The following DST variants were observed in gnomAD, a reference collection of about 807,000 sequenced individuals.
The protein encoded by DST is dystonin.
Under a neutral mutation model 875.2 loss-of-function variants are expected in DST, and 253 were observed. The ratio of observed to expected loss-of-function variants is 0.29; its 90% confidence interval spans 0.26 to 0.32. The LOEUF (loss-of-function observed/expected upper bound fraction) is 0.32. Among genes scored for constraint, DST ranks in the 10% least tolerant of loss-of-function variants. The probability of loss-of-function intolerance (pLI) is 1.00; values close to 1 mark genes in which losing one functional copy is unlikely to be tolerated. For missense variants in DST, 8,287 were observed against 9,111.6 expected (o/e 0.91, Z 3.68); for synonymous variants, 3,124 against 3,197.1 (o/e 0.98, Z 0.77).
At chr6:56,627,598 T>C (rs913011985) in intron 33 of DST, among the ~76,000 whole-genome samples, 17 of 152,140 alleles carry the variant, frequency 1.1e-4, no homozygotes, top group Admixed American at 9.2e-4. Context: ...GCCCCTAAGA[T>C]AGAACAAAAA....
intron 3 of DST, among the ~76,000 whole-genome samples, chr6:56,877,229 T>G (rs927143398): frequency 3.3e-5 from 5 of 152,232 alleles, no homozygotes; most frequent in African/African-American, 9.6e-5. Flanking sequence ...TTTTTCTTCA[T>G]ACCATTTACC....
chr6:56,930,879 T>C (rs1049212571), intron 2 of DST, among the ~76,000 whole-genome samples: 3 of 152,234 alleles, frequency 2.0e-5, no homozygotes, highest in Non-Finnish European at 2.9e-5. Context: ...CACGATTGCA[T>C]GACAAAATCC....
At chr6:56,766,242 A>G (rs1356024195) in intron 4 of DST, among the ~76,000 whole-genome samples, 2 of 152,220 alleles carry the variant, frequency 1.3e-5, no homozygotes. Context: ...ACAAGAACAC[A>G]TGAGAACACA....
At chr6:56,567,685 G>C (rs1474614994) in intron 55 of DST, among the ~76,000 whole-genome samples, 1 of 152,102 alleles carries the variant, frequency 6.6e-6, no homozygotes, top group Non-Finnish European at 1.5e-5. Context: ...GGTTGGCTGA[G>C]AAGGGCCCAG....
chr6:56,601,440 A>C lies in DST; in HGVS notation c.11541+3T>G, dbSNP rs146728069. On this transcript the variant is annotated splice_donor_region_variant and intron_variant, in intron 44 of 103. Transcript: ENST00000680361. The stretch of plus-strand genomic sequence containing the variant: ...AATGCCAACTCCACGAAGAAAGGCA[A>C]ACCTTCTGATCATCAAGATCTTGTT... 1.4e-3 allele frequency: 2,235 copies of C among 1,576,360 alleles called. 25 individuals carry two copies. In the African/African-American group the frequency reaches 0.023, roughly 16 times the overall value.
intron 36 of DST, chr6:56,614,752 A>T (rs1465591146): frequency 2.8e-6 from 3 of 1,069,430 alleles, no homozygotes; most frequent in Non-Finnish European, 3.4e-6. Context: ...ACAAATTTTA[A>T]ATCTCAACTT....
At chr6:56,772,619 C>T (rs990490022) in intron 4 of DST, among the ~76,000 whole-genome samples, 1 of 152,136 alleles carries the variant, frequency 6.6e-6, no homozygotes, top group East Asian at 1.9e-4. Context: ...CAAAAGTAAA[C>T]AAGAATCAGG....
intron 9 of DST, among the ~76,000 whole-genome samples, chr6:56,685,504 G>T (rs538744821): frequency 1.3e-3 from 202 of 152,298 alleles, no homozygotes; most frequent in African/African-American, 4.6e-3. Context: ...AGGCTGGGTG[G>T]CTTATGCCTG....
chr6:56,558,162 C>T (rs2097459780), intron 58 of DST, among the ~76,000 whole-genome samples: 2 of 152,142 alleles, frequency 1.3e-5, no homozygotes, highest in Admixed American at 6.6e-5. Flanking sequence ...CTATTATACC[C>T]TCGATCATAA....
intron 7 of DST, among the ~76,000 whole-genome samples, chr6:56,702,548 C>T (rs955830862): frequency 1.3e-5 from 2 of 152,064 alleles, no homozygotes; most frequent in Non-Finnish European, 2.9e-5. Flanking sequence ...CATATATTTC[C>T]TCTTTATTTT....
At chr6:56,620,857 CCTT>C (rs2098685297) in intron 36 of DST, 2 of 771,532 alleles carry the variant, frequency 2.6e-6, no homozygotes, top group Middle Eastern at 2.5e-4. Flanking sequence ...AGCAGCATCA[CCTT>C]CTTCAGAGAG....
chr6:56,800,002 A>G lies in DST; in HGVS notation c.625+51395T>C, dbSNP rs575252121. 6.6e-5 allele frequency among the ~76,000 whole-genome samples: 10 copies of G among 152,316 alleles called. No individual in the cohort carries two copies. The South Asian group carries it at 1.9e-3, about 28-fold the overall frequency. ...TATTGCACACTTAATAGACTACAAT[A>G]TAATACAAGCATAACTTTTATATGC... On this transcript the variant is annotated intron_variant, in intron 4 of 103. Coordinates refer to ENST00000680361, the MANE Select transcript of DST (RefSeq NM_001374736.1).
At position 56,528,943 on chromosome 6, in the gene DST, A is replaced by G. The variant is rs1306290912; in HGVS notation, c.17596-18T>C. 5.3e-6 allele frequency: 8 copies of G among 1,512,426 alleles called. No homozygotes were observed. The highest frequency in any genetic ancestry group is 7.2e-6 in the Non-Finnish European group (8 of 1,104,684). The allele number at this position is 1,512,426 out of a possible 1,614,324, so 93.7% of individuals were successfully genotyped here. A position where few individuals can be genotyped will look rare whatever the true frequency, so the allele number is the denominator to read the frequency against. On this transcript the variant is annotated intron_variant, in intron 66 of 103. Coordinates refer to ENST00000680361, the MANE Select transcript of DST (RefSeq NM_001374736.1). Reference sequence around the variant, plus strand: ...TGCAGAACCTGAAAACACAGGTACCATTTTTATGTGGGGGGAAAAACATTT... The same window carrying G: ...TGCAGAACCTGAAAACACAGGTACCGTTTTTATGTGGGGGGAAAAACATTT...
chr6:56,614,453 A>G lies in DST; in HGVS notation c.4961T>C (p.Val1654Ala), dbSNP rs1180359985. 2 of 1,608,492 alleles carry G rather than the reference A, an allele frequency of 1.2e-6. No homozygotes were observed. Among genetic ancestry groups the G allele is most frequent in the Non-Finnish European group, 8.5e-7 (1 of 1,177,676 alleles). Residue 1654 changes from valine (V) to alanine (A), a missense_variant, in exon 37 of 104, where the codon GTT becomes GCT. Transcript: ENST00000680361. ...TTTTTGCAATTCTTTGGCTTTTTCA[A>G]CATGTTCTTTCTTTTCTTCTTCCAG... ...KSLEEEKKEH[V>A]EKAKELQKWV...
chr6:56,597,292 T>C (rs1337582687), intron 47 of DST, among the ~76,000 whole-genome samples: 1 of 151,290 alleles, frequency 6.6e-6, no homozygotes, highest in East Asian at 1.9e-4. Flanking sequence ...CTTAGCAGAG[T>C]GAACATATGG....
intron 86 of DST, 57 bp downstream of exon 86, chr6:56,489,433 T>G: frequency 7.9e-6 from 12 of 1,521,698 alleles, no homozygotes; most frequent in Non-Finnish European, 1.1e-5. Context: ...GTAAGGATTT[T>G]AAAGTGATCT....
chr6:56,479,183 A>G (rs1245979833), intron 90 of DST, among the ~76,000 whole-genome samples: 3 of 152,208 alleles, frequency 2.0e-5, no homozygotes, highest in Non-Finnish European at 4.4e-5. Flanking sequence ...AAAATGCTCA[A>G]CATCACTAAT....
Position 56,630,072 on chromosome 6 carries a change from C to G in DST, c.4281+173G>C, listed in dbSNP as rs16888068. Among the ~76,000 whole-genome samples, 4,545 of 152,272 alleles carry G rather than the reference C, an allele frequency of 0.03. 217 individuals are homozygous for G. Among genetic ancestry groups the G allele is most frequent in the African/African-American group, 0.1 (4,238 of 41,550 alleles). ...TCAAACTTCAAATGAGAACTCTCCT[C>G]AAACTAAAATGACTGAACATACTTA... On this transcript the variant is annotated intron_variant, in intron 31 of 103. Transcript: ENST00000680361.
intron 102 of DST, chr6:56,460,561 T>C (rs1469566523): frequency 1.8e-5 from 4 of 222,374 alleles, no homozygotes; most frequent in South Asian, 1.0e-4. Flanking sequence ...ATGGTGAGTA[T>C]GTTAGTATCT....
Sources: allele counts gnomAD v4.1 joint callset (sites outside exome capture counted in the v4.1 genomes callset), GRCh38; gene constraint gnomAD v4.1.1; transcripts MANE v1.5; gene names NCBI Gene and HGNC (gene_info 2026-07-23, HGNC 2026-07-21).